HTR1F: variants seen among roughly 807,000 people sequenced by gnomAD.
HTR1F encodes 5-hydroxytryptamine receptor 1F.
In HTR1F, 17 loss-of-function variants were observed where a neutral mutation model predicts 24.0. The observed-to-expected ratio is 0.71, with a 90% CI of 0.48 to 1.06. HTR1F has a LOEUF of 1.06. Ranked by LOEUF, HTR1F falls within the 50% of genes least tolerant of loss-of-function variation. The probability of loss-of-function intolerance (pLI) is 0.00; values close to 1 mark genes in which losing one functional copy is unlikely to be tolerated. For missense variants in HTR1F, 391 were observed against 427.8 expected, an observed-to-expected ratio of 0.91 and a Z score of 0.76; for synonymous variants, 186 against 156.8, an observed-to-expected ratio of 1.19 and a Z score of -1.39.
intron 2 of HTR1F, among the ~76,000 whole-genome samples, chr3:87,860,577 A>G (rs915998337): frequency 5.3e-5 from 8 of 152,116 alleles, no homozygotes; most frequent in African/African-American, 1.9e-4. Context: ...TGTATATTGA[A>G]TTTTATATTA....
At chr3:87,932,883 A>T (rs1179206932) in intron 2 of HTR1F, among the ~76,000 whole-genome samples, 2 of 151,566 alleles carry the variant, frequency 1.3e-5, no homozygotes, top group African/African-American at 2.4e-5. Flanking sequence ...TACCAAAGCC[A>T]GGCAGAGACA....
chr3:87,940,276 T>C (rs1559641633), intron 2 of HTR1F, among the ~76,000 whole-genome samples: 2 of 152,202 alleles, frequency 1.3e-5, no homozygotes, highest in Non-Finnish European at 2.9e-5. Flanking sequence ...AGGAGTGTTT[T>C]AAAGGCCTTC....
intron 2 of HTR1F, among the ~76,000 whole-genome samples, chr3:87,975,748 T>C (rs192705632): frequency 3.5e-4 from 53 of 152,332 alleles, no homozygotes; most frequent in Admixed American, 1.7e-3. Flanking sequence ...CTTATCCAAG[T>C]TTAAAAGGTA....
intron 1 of HTR1F, among the ~76,000 whole-genome samples, chr3:87,794,327 G>C (rs1162634770): frequency 6.6e-6 from 1 of 152,008 alleles, no homozygotes; most frequent in African/African-American, 2.4e-5. Flanking sequence ...GGAAAGAGTC[G>C]TTCATGCTTC....
At chr3:87,914,190 C>A (rs553560578) in intron 2 of HTR1F, among the ~76,000 whole-genome samples, 3 of 152,204 alleles carry the variant, frequency 2.0e-5, no homozygotes, top group East Asian at 3.9e-4. Context: ...CAGCAGGAAA[C>A]CCCTGGAAGC....
chr3:87,975,765 TC>T (rs1705382722), intron 2 of HTR1F, among the ~76,000 whole-genome samples: 1 of 152,228 alleles, frequency 6.6e-6, no homozygotes, highest in African/African-American at 2.4e-5. Flanking sequence ...GGTAAGTTTT[TC>T]CTCATATTTT....
At chr3:87,890,202 G>A (rs1706045893) in intron 2 of HTR1F, among the ~76,000 whole-genome samples, 1 of 152,040 alleles carries the variant, frequency 6.6e-6, no homozygotes, top group African/African-American at 2.4e-5. Flanking sequence ...TCATCTGAAG[G>A]GAGCAAAAAT....
chr3:87,930,210 T>C (rs1164214557), intron 2 of HTR1F, among the ~76,000 whole-genome samples: 1 of 152,214 alleles, frequency 6.6e-6, no homozygotes, highest in Admixed American at 6.5e-5. Flanking sequence ...TTTCTAGATA[T>C]AGAATAGTGT....
At chr3:87,876,629 A>T (rs1705677777) in intron 2 of HTR1F, among the ~76,000 whole-genome samples, 1 of 152,202 alleles carries the variant, frequency 6.6e-6, no homozygotes, top group African/African-American at 2.4e-5. Context: ...GTCATAAAAA[A>T]TAGTCAAACT....
chr3:87,818,839 G>GC (rs1321878580), intron 1 of HTR1F, among the ~76,000 whole-genome samples: 1 of 152,102 alleles, frequency 6.6e-6, no homozygotes, highest in Non-Finnish European at 1.5e-5. Context: ...CTAGTCCCAG[G>GC]TGTTGGAAGT....
At chr3:87,882,982 G>T (rs569628198) in intron 2 of HTR1F, among the ~76,000 whole-genome samples, 1 of 152,166 alleles carries the variant, frequency 6.6e-6, no homozygotes, top group Non-Finnish European at 1.5e-5. Flanking sequence ...CTCTGAGGAC[G>T]GACAGACTGC....
chr3:87,901,785 T>A (rs1706329854), intron 2 of HTR1F, among the ~76,000 whole-genome samples: 3 of 152,154 alleles, frequency 2.0e-5, no homozygotes, highest in Non-Finnish European at 4.4e-5. Context: ...GTTTCCTCTA[T>A]CATCTGTTTC....
intron 2 of HTR1F, among the ~76,000 whole-genome samples, chr3:87,942,846 C>T (rs183434226): frequency 6.3e-4 from 95 of 151,974 alleles, no homozygotes; most frequent in East Asian, 5.8e-3. Flanking sequence ...TTGCTCTGGG[C>T]GTAAGGCAGA....
At chr3:87,865,744 C>T (rs1480351574) in intron 2 of HTR1F, among the ~76,000 whole-genome samples, 1 of 152,058 alleles carries the variant, frequency 6.6e-6, no homozygotes, top group Non-Finnish European at 1.5e-5. Flanking sequence ...ATTTATTTAT[C>T]TGTTCTACTC....
rs71131531 is a variant in HTR1F, at chr3:87,946,628, T to TATA, written c.-42-44080_-42-44079insATA. Among the ~76,000 whole-genome samples, 399 of 103,832 alleles carry TATA rather than the reference T, an allele frequency of 3.8e-3. 3 individuals are homozygous for TATA. The highest frequency in any genetic ancestry group is 0.016 in the Middle Eastern group (3 of 186). 68.1% of individuals were successfully genotyped at this position (103,832 alleles called of 152,430 possible). On this transcript the variant is annotated intron_variant, in intron 2 of 2. Transcript: ENST00000319595. The stretch of plus-strand genomic sequence containing the variant: ...GTGTGTGTGTATATATATATATATA[T>TATA]TTTTTTTTTTTTTTAAACAGTCTCA...
chr3:87,819,469 G>T (rs181000011), intron 1 of HTR1F, among the ~76,000 whole-genome samples: 77 of 151,696 alleles, frequency 5.1e-4, no homozygotes, highest in Admixed American at 1.3e-3. Flanking sequence ...GATCCTGGAA[G>T]AATACTAGTA....
At chr3:87,858,102 C>T (rs188375139) in intron 2 of HTR1F, among the ~76,000 whole-genome samples, 17 of 152,290 alleles carry the variant, frequency 1.1e-4, no homozygotes, top group Admixed American at 1.0e-3. Flanking sequence ...GTCCCACAAA[C>T]TCAGGCCCTG....
intron 2 of HTR1F, among the ~76,000 whole-genome samples, chr3:87,913,664 A>C (rs1321982500): frequency 1.3e-5 from 2 of 152,202 alleles, no homozygotes; most frequent in Non-Finnish European, 2.9e-5. Context: ...ACAATAACAA[A>C]AAAAATGGAA....
At chr3:87,889,905 A>T (rs891842759) in intron 2 of HTR1F, among the ~76,000 whole-genome samples, 3 of 152,248 alleles carry the variant, frequency 2.0e-5, no homozygotes, top group Non-Finnish European at 2.9e-5. Flanking sequence ...CACTGAAAAC[A>T]TAATTTGGAT....
Sources: gnomAD v4.1 joint callset for allele counts (sites outside exome capture counted in the v4.1 genomes callset) on GRCh38, gnomAD v4.1.1 for gene constraint, MANE v1.5 for transcripts, NCBI Gene and HGNC (gene_info 2026-07-23, HGNC 2026-07-21) for gene names.